Variants in LRMDA observed in about 807,000 individuals in gnomAD.
The protein encoded by LRMDA is leucine-rich melanocyte differentiation-associated protein.
A neutral mutation model predicts 29.8 loss-of-function variants in LRMDA; 18 were observed. The observed-to-expected ratio is 0.60, with a 90% CI of 0.42 to 0.90. LRMDA has a LOEUF of 0.90. Ranked by LOEUF, LRMDA falls within the 40% of genes least tolerant of loss-of-function variation. LRMDA has a pLI of 0.00. For missense variants in LRMDA, 273 were observed against 273.9 expected, an observed-to-expected ratio of 1.00 and a Z score of 0.02; for synonymous variants, 125 against 109.4, an observed-to-expected ratio of 1.14 and a Z score of -0.89.
intron 6 of LRMDA, among the ~76,000 whole-genome samples, chr10:76,556,129 T>C (rs770269791): frequency 8.5e-5 from 13 of 152,198 alleles, no homozygotes; most frequent in Non-Finnish European, 1.9e-4. Flanking sequence ...AATGAGTTGA[T>C]TAAAAAGTTC....
At chr10:76,207,234 C>T (rs1405440078) in intron 5 of LRMDA, among the ~76,000 whole-genome samples, 1 of 152,180 alleles carries the variant, frequency 6.6e-6, no homozygotes, top group Non-Finnish European at 1.5e-5. Flanking sequence ...GTTTTAGATA[C>T]ACTTTACCAG....
At chr10:75,559,632 C>A (rs1238588117) in intron 2 of LRMDA, among the ~76,000 whole-genome samples, 1 of 149,248 alleles carries the variant, frequency 6.7e-6, no homozygotes, top group African/African-American at 2.4e-5. Context: ...AATGGTAATG[C>A]CTAGGTTTTC....
chr10:75,975,274 C>T (rs1847050339), intron 2 of LRMDA, among the ~76,000 whole-genome samples: 1 of 152,186 alleles, frequency 6.6e-6, no homozygotes, highest in African/African-American at 2.4e-5. Context: ...TGCCTGAGTG[C>T]CTCTACACTG....
intron 2 of LRMDA, among the ~76,000 whole-genome samples, chr10:75,897,476 A>G (rs999162251): frequency 6.6e-6 from 1 of 152,208 alleles, no homozygotes; most frequent in Non-Finnish European, 1.5e-5. Flanking sequence ...TGAGTTGACA[A>G]AGGGCCTGGA....
chr10:76,357,020 C>G (rs921084675), intron 6 of LRMDA, among the ~76,000 whole-genome samples: 1 of 152,042 alleles, frequency 6.6e-6, no homozygotes, highest in Admixed American at 6.6e-5. Context: ...AAAGGTACAA[C>G]AAGATGTGAG....
chr10:75,611,190 A>G (rs949033884), intron 2 of LRMDA, among the ~76,000 whole-genome samples: 5 of 152,108 alleles, frequency 3.3e-5, no homozygotes, highest in Admixed American at 6.6e-5. Context: ...GATGATCTGG[A>G]CAGGTCCTGT....
At chr10:75,947,817 T>C (rs182641859) in intron 2 of LRMDA, among the ~76,000 whole-genome samples, 8 of 152,278 alleles carry the variant, frequency 5.3e-5, no homozygotes. Flanking sequence ...TGGGCAGCAC[T>C]TTGCACCAAT....
At chr10:76,507,400 G>A (rs917390114) in intron 6 of LRMDA, among the ~76,000 whole-genome samples, 14 of 151,616 alleles carry the variant, frequency 9.2e-5, no homozygotes, top group Non-Finnish European at 2.1e-4. Flanking sequence ...TGTAGGTTAT[G>A]CATTCATTTG....
intron 2 of LRMDA, among the ~76,000 whole-genome samples, chr10:75,731,667 G>A (rs1209180651): frequency 6.6e-6 from 1 of 152,176 alleles, no homozygotes; most frequent in Non-Finnish European, 1.5e-5. Context: ...TAGATTTCTG[G>A]TAAAGCATGT....
At chr10:75,807,803 AGG>A (rs1339423914) in intron 2 of LRMDA, among the ~76,000 whole-genome samples, 10 of 152,238 alleles carry the variant, frequency 6.6e-5, no homozygotes, top group Admixed American at 5.2e-4. Context: ...GATTCTAAAT[AGG>A]GAGTGTGTAA....
chr10:76,006,179 A>G (rs1847652579), intron 2 of LRMDA, among the ~76,000 whole-genome samples: 1 of 152,148 alleles, frequency 6.6e-6, no homozygotes, highest in Non-Finnish European at 1.5e-5. Flanking sequence ...GACTTTCTTT[A>G]TCTTCCTGGA....
intron 2 of LRMDA, among the ~76,000 whole-genome samples, chr10:75,487,150 A>G (rs1208758170): frequency 6.6e-6 from 1 of 152,222 alleles, no homozygotes; most frequent in Non-Finnish European, 1.5e-5. Context: ...TTAAATAATT[A>G]AGCAGTTCTT....
chr10:75,899,922 T>G (rs1186704057), intron 2 of LRMDA, among the ~76,000 whole-genome samples: 1 of 152,252 alleles, frequency 6.6e-6, no homozygotes, highest in Admixed American at 6.5e-5. Flanking sequence ...CTGTCTCTAT[T>G]AATTTGCATA....
chr10:76,136,417 TTTATA>T (rs1474223961), intron 5 of LRMDA, among the ~76,000 whole-genome samples: 2 of 152,320 alleles, frequency 1.3e-5, no homozygotes. Flanking sequence ...CCATGGAAAC[TTTATA>T]TTATAAGTTT....
chr10:76,143,989 A>T (rs539036284), intron 5 of LRMDA, among the ~76,000 whole-genome samples: 9 of 152,274 alleles, frequency 5.9e-5, no homozygotes, highest in African/African-American at 2.2e-4. Context: ...TTTGTTAAAG[A>T]TCAGATAGTT....
chr10:76,118,678 C>T (rs1359785356), intron 5 of LRMDA, among the ~76,000 whole-genome samples: 1 of 152,052 alleles, frequency 6.6e-6, no homozygotes, highest in Non-Finnish European at 1.5e-5. Flanking sequence ...CCTGGACTCC[C>T]AAGCCCAGGG....
At chr10:76,079,382 T>G (rs2132077702) in intron 5 of LRMDA, among the ~76,000 whole-genome samples, 1 of 152,286 alleles carries the variant, frequency 6.6e-6, no homozygotes, top group South Asian at 2.1e-4. Context: ...GCAGTATGCA[T>G]GTCATCTGCC....
At chr10:75,963,332 T>C (rs1050098767) in intron 2 of LRMDA, among the ~76,000 whole-genome samples, 1 of 152,240 alleles carries the variant, frequency 6.6e-6, no homozygotes, top group Non-Finnish European at 1.5e-5. Flanking sequence ...TGTATGAATG[T>C]GTTGGTAACC....
chr10:76,105,420 G>A (rs1849464937), intron 5 of LRMDA, among the ~76,000 whole-genome samples: 1 of 152,000 alleles, frequency 6.6e-6, no homozygotes, highest in Non-Finnish European at 1.5e-5. Flanking sequence ...TTATTTGGGG[G>A]GTGGGGGGGA....
Sources: gnomAD v4.1 joint callset for allele counts (sites outside exome capture counted in the v4.1 genomes callset) on GRCh38, gnomAD v4.1.1 for gene constraint, MANE v1.5 for transcripts, NCBI Gene and HGNC (gene_info 2026-07-23, HGNC 2026-07-21) for gene names.